Variants in CSMD3 observed in about 807,000 individuals in gnomAD.
The protein encoded by CSMD3 is CUB and Sushi multiple domains 3.
Under a neutral mutation model 435.2 loss-of-function variants are expected in CSMD3, and 177 were observed. That is an observed-to-expected ratio of 0.41 (90% CI 0.36 to 0.46). The LOEUF (loss-of-function observed/expected upper bound fraction) is 0.46. Among genes scored for constraint, CSMD3 ranks in the 20% least tolerant of loss-of-function variants. CSMD3 has a pLI of 0.34. For synonymous variants in CSMD3, 1,656 were observed against 1,520.5 expected (o/e 1.09, Z -2.07); for missense variants, 4,265 against 4,504.6 (o/e 0.95, Z 1.52).
chr8:113,110,028 A>G (rs543679674), intron 4 of CSMD3, among the ~76,000 whole-genome samples: 2 of 152,230 alleles, frequency 1.3e-5, no homozygotes, highest in South Asian at 4.2e-4. Context: ...CCCTTCTTTG[A>G]AATTGTTCTC....
intron 17 of CSMD3, among the ~76,000 whole-genome samples, chr8:112,662,399 C>T (rs919659824): frequency 2.4e-4 from 37 of 152,044 alleles, no homozygotes; most frequent in Non-Finnish European, 4.7e-4. Context: ...CTTTGACAAA[C>T]CTGACAAAAA....
At chr8:112,276,862 A>G (rs1818102281) in intron 59 of CSMD3, among the ~76,000 whole-genome samples, 1 of 151,888 alleles carries the variant, frequency 6.6e-6, no homozygotes, top group African/African-American at 2.4e-5. Context: ...GCACACTCCA[A>G]AGCCACAGCC....
intron 13 of CSMD3, among the ~76,000 whole-genome samples, chr8:112,695,208 T>C (rs1339522710): frequency 2.0e-5 from 3 of 152,190 alleles, no homozygotes; most frequent in Non-Finnish European, 4.4e-5. Context: ...ATGTGTATCT[T>C]TCCAGTTCTT....
chr8:113,048,242 A>G (rs1315517905), intron 5 of CSMD3, among the ~76,000 whole-genome samples: 1 of 151,822 alleles, frequency 6.6e-6, no homozygotes, highest in African/African-American at 2.4e-5. Flanking sequence ...ACAGGCGCCC[A>G]CTAACACGCC....
intron 38 of CSMD3, among the ~76,000 whole-genome samples, chr8:112,356,711 A>T (rs1826647001): frequency 6.6e-6 from 1 of 151,806 alleles, no homozygotes; most frequent in Admixed American, 6.6e-5. Flanking sequence ...TGTTTTCATG[A>T]CAGTGAATAA....
Position 112,333,163 on chromosome 8 carries a change from G to T in CSMD3, c.7165+2166C>A, listed in dbSNP as rs539621436. ...ATATCTGATCTGTTTTATTTTTATT[G>T]ATTGATTGATTGATTGATTTTGAGA... On this transcript the variant is annotated intron_variant, in intron 45 of 70. Coordinates refer to ENST00000297405, the MANE Select transcript of CSMD3 (RefSeq NM_198123.2). 9.9e-5 allele frequency among the ~76,000 whole-genome samples: 15 copies of T among 152,022 alleles called. No homozygotes were observed. The South Asian group carries it at 2.9e-3, about 29-fold the overall frequency.
At chr8:113,235,141 G>T (rs2093133469) in intron 3 of CSMD3, among the ~76,000 whole-genome samples, 1 of 152,082 alleles carries the variant, frequency 6.6e-6, no homozygotes. Flanking sequence ...CTTCGGCAGG[G>T]AATAGTAGAT....
At chr8:112,627,393 G>A (rs188431114) in intron 22 of CSMD3, among the ~76,000 whole-genome samples, 398 of 152,162 alleles carry the variant, frequency 2.6e-3, no homozygotes, top group African/African-American at 9.0e-3. Flanking sequence ...TGGCACTTTC[G>A]TAATTCTTTC....
At chr8:113,237,866 G>C (rs1359790044) in intron 3 of CSMD3, among the ~76,000 whole-genome samples, 2 of 152,106 alleles carry the variant, frequency 1.3e-5, no homozygotes, top group African/African-American at 4.8e-5. Flanking sequence ...CACGAGGTCA[G>C]GAGTTAGAGA....
chr8:112,420,798 C>T (rs551932677), intron 32 of CSMD3, among the ~76,000 whole-genome samples: 2 of 152,092 alleles, frequency 1.3e-5, no homozygotes, highest in African/African-American at 4.8e-5. Flanking sequence ...TCCTGGCCCC[C>T]CTAGCTCCTA....
intron 10 of CSMD3, among the ~76,000 whole-genome samples, chr8:112,918,629 C>G (rs1361690911): frequency 6.6e-6 from 1 of 151,846 alleles, no homozygotes; most frequent in African/African-American, 2.4e-5. Context: ...GCATATCCAA[C>G]AAGGGAATAA....
intron 4 of CSMD3, among the ~76,000 whole-genome samples, chr8:113,120,206 T>C (rs1363063143): frequency 6.6e-6 from 1 of 152,088 alleles, no homozygotes; most frequent in East Asian, 1.9e-4. Flanking sequence ...AATGAGATTA[T>C]GCAATATGAC....
At chr8:112,310,611 T>G (rs1322278583) in intron 50 of CSMD3, 1 of 303,914 alleles carries the variant, frequency 3.3e-6, no homozygotes, top group East Asian at 8.0e-5. Flanking sequence ...CAGTCTTCAG[T>G]GTACTTGCCC....
chr8:112,320,035 C>T (rs982651054), intron 45 of CSMD3, 54 bp from the exon 46 acceptor site: 248 of 1,148,242 alleles, frequency 2.2e-4, no homozygotes, highest in Non-Finnish European at 3.0e-4. Context: ...CATGTATTCA[C>T]ATATGCAAAA....
At chr8:113,078,319 C>G (rs1426191275) in intron 5 of CSMD3, among the ~76,000 whole-genome samples, 1 of 152,104 alleles carries the variant, frequency 6.6e-6, no homozygotes, top group African/African-American at 2.4e-5. Context: ...CCCGTTAAGA[C>G]AAATTAGAGA....
chr8:112,227,928 T>G lies in CSMD3; in HGVS notation c.10964+828A>C, dbSNP rs146297118. 4.3e-3 allele frequency among the ~76,000 whole-genome samples: 657 copies of G among 152,028 alleles called. 4 individuals are homozygous for G. The highest frequency in any genetic ancestry group is 0.012 in the African/African-American group (513 of 41,494). ...ATGATGGCGGGTACCTGTAGTCCCA[T>G]CTACTTGGGAGGCTGAAGCAGGAGA... On this transcript the variant is annotated intron_variant, in intron 70 of 70. Coordinates refer to ENST00000297405, the MANE Select transcript of CSMD3 (RefSeq NM_198123.2).
At chr8:113,048,340 G>T (rs1296887891) in intron 5 of CSMD3, among the ~76,000 whole-genome samples, 1 of 152,002 alleles carries the variant, frequency 6.6e-6, no homozygotes, top group Non-Finnish European at 1.5e-5. Flanking sequence ...TGATCCGCCC[G>T]CCTCGGCCTC....
chr8:112,396,254 A>G (rs976554488), intron 35 of CSMD3, among the ~76,000 whole-genome samples: 1 of 152,214 alleles, frequency 6.6e-6, no homozygotes, highest in Admixed American at 6.5e-5. Flanking sequence ...TTTGCTTTCA[A>G]TTGGATGCTG....
intron 1 of CSMD3, among the ~76,000 whole-genome samples, chr8:113,423,859 C>A (rs1424393080): frequency 2.0e-5 from 3 of 151,714 alleles, no homozygotes; most frequent in Admixed American, 2.0e-4. Context: ...TCAAAATGTA[C>A]TAATTTCATT....
Sources: allele counts gnomAD v4.1 joint callset (sites outside exome capture counted in the v4.1 genomes callset), GRCh38; gene constraint gnomAD v4.1.1; transcripts MANE v1.5; gene names NCBI Gene and HGNC (gene_info 2026-07-23, HGNC 2026-07-21).